The following CALN1 variants were observed in gnomAD, a reference collection of about 807,000 sequenced individuals.
The protein encoded by CALN1 is calneuron 1.
A neutral mutation model predicts 30.6 loss-of-function variants in CALN1; 17 were observed. That is an observed-to-expected ratio of 0.56 (90% CI 0.38 to 0.83). The LOEUF is 0.83. Ranked by LOEUF, CALN1 falls within the 40% of genes least tolerant of loss-of-function variation. CALN1 has a pLI of 0.00. For synonymous variants in CALN1, 156 were observed against 131.4 expected, an observed-to-expected ratio of 1.19 and a Z score of -1.28; for missense variants, 291 against 354.9, an observed-to-expected ratio of 0.82 and a Z score of 1.45.
chr7:71,945,713 C>T (rs1796370879), intron 5 of CALN1, among the ~76,000 whole-genome samples: 1 of 152,220 alleles, frequency 6.6e-6, no homozygotes, highest in African/African-American at 2.4e-5. Context: ...AGGAGATCGT[C>T]TAGCTGCAGG....
At chr7:72,284,364 A>G (rs1425945442) in intron 2 of CALN1, among the ~76,000 whole-genome samples, 4 of 152,200 alleles carry the variant, frequency 2.6e-5, no homozygotes, top group African/African-American at 2.4e-5. Context: ...CCCTTTTGTG[A>G]TGGTCAGTTT....
chr7:72,117,465 T>C (rs2129541968), intron 3 of CALN1, among the ~76,000 whole-genome samples: 1 of 152,292 alleles, frequency 6.6e-6, no homozygotes, highest in South Asian at 2.1e-4. Context: ...ATGGTCTGCA[T>C]TTTAATCTTA....
chr7:72,127,453 G>A (rs1431411468), intron 3 of CALN1, among the ~76,000 whole-genome samples: 2 of 152,154 alleles, frequency 1.3e-5, no homozygotes, highest in African/African-American at 4.8e-5. Context: ...AGGAGTCACG[G>A]GATCTGACTT....
At chr7:72,185,892 T>A (rs1031905516) in intron 3 of CALN1, among the ~76,000 whole-genome samples, 12 of 152,248 alleles carry the variant, frequency 7.9e-5, no homozygotes. Flanking sequence ...CATGTGGAAC[T>A]GTAATTTCAA....
intron 3 of CALN1, among the ~76,000 whole-genome samples, chr7:72,121,160 T>C (rs1156801761): frequency 1.4e-5 from 2 of 145,202 alleles, no homozygotes; most frequent in African/African-American, 5.0e-5. Context: ...ATATATAAAA[T>C]CTATATTATA....
chr7:71,866,624 A>C (rs1256598057), intron 5 of CALN1, among the ~76,000 whole-genome samples: 2 of 152,154 alleles, frequency 1.3e-5, no homozygotes, highest in African/African-American at 2.4e-5. Flanking sequence ...AGTACTCCAC[A>C]TGCTTGAGAA....
chr7:72,156,437 G>A (rs1185392141), intron 3 of CALN1, among the ~76,000 whole-genome samples: 4 of 152,164 alleles, frequency 2.6e-5, no homozygotes, highest in Admixed American at 1.3e-4. Context: ...GTGGGCACCT[G>A]ATGGAGAGTA....
At chr7:71,792,816 C>G (rs1466004091) in intron 6 of CALN1, among the ~76,000 whole-genome samples, 6 of 152,028 alleles carry the variant, frequency 3.9e-5, no homozygotes, top group Non-Finnish European at 8.8e-5. Flanking sequence ...CATTGCATGA[C>G]TGGGCTGAGG....
intron 2 of CALN1, among the ~76,000 whole-genome samples, chr7:72,373,875 T>A (rs1444004781): frequency 6.6e-6 from 1 of 152,078 alleles, no homozygotes; most frequent in Non-Finnish European, 1.5e-5. Context: ...AACAGAAAAA[T>A]GATGCATTGC....
intron 5 of CALN1, among the ~76,000 whole-genome samples, chr7:71,923,632 G>C (rs1795097762): frequency 6.6e-6 from 1 of 151,960 alleles, no homozygotes; most frequent in Non-Finnish European, 1.5e-5. Context: ...GTTTTTCCTG[G>C]GTGCCAGGAA....
chr7:72,079,211 T>C (rs1360908002), intron 4 of CALN1, among the ~76,000 whole-genome samples: 3 of 152,186 alleles, frequency 2.0e-5, no homozygotes, highest in African/African-American at 7.2e-5. Flanking sequence ...CAGATCATAC[T>C]GGGAGACCTC....
At chr7:71,857,028 G>GTGTA (rs1562845084) in intron 5 of CALN1, among the ~76,000 whole-genome samples, 1 of 149,850 alleles carries the variant, frequency 6.7e-6, no homozygotes, top group African/African-American at 2.5e-5. Flanking sequence ...GTGTGTGTGT[G>GTGTA]TGTGTGTGTG....
At chr7:72,272,390 C>T (rs1429878630) in intron 3 of CALN1, among the ~76,000 whole-genome samples, 4 of 151,974 alleles carry the variant, frequency 2.6e-5, no homozygotes, top group Non-Finnish European at 5.9e-5. Context: ...GGCAAAAACC[C>T]ATCTCTACCA....
the CALN1 span, among the ~76,000 whole-genome samples, chr7:72,489,357 A>C: frequency 6.6e-6 from 1 of 152,216 alleles, no homozygotes; most frequent in Non-Finnish European, 1.5e-5. Context: ...TATTCTTAGC[A>C]GAAGTAAGAA....
At chr7:72,323,401 G>A (rs911733411) in intron 2 of CALN1, among the ~76,000 whole-genome samples, 6 of 152,172 alleles carry the variant, frequency 3.9e-5, no homozygotes, top group African/African-American at 1.4e-4. Flanking sequence ...TAGCAGTGGT[G>A]GCTGCAGCTT....
chr7:71,844,832 G>A (rs776121896), intron 5 of CALN1, among the ~76,000 whole-genome samples: 10 of 151,400 alleles, frequency 6.6e-5, no homozygotes, highest in South Asian at 2.1e-4. Context: ...AACATCACAT[G>A]TTTTAAATTG....
At chr7:71,949,119 T>C (rs1048195425) in intron 5 of CALN1, among the ~76,000 whole-genome samples, 6 of 150,162 alleles carry the variant, frequency 4.0e-5, no homozygotes, top group Non-Finnish European at 7.4e-5. Context: ...CAGTGCGGTC[T>C]GGACTGAAAG....
chr7:72,026,804 G>T (rs1312013914), intron 4 of CALN1, among the ~76,000 whole-genome samples: 2 of 152,160 alleles, frequency 1.3e-5, no homozygotes, highest in African/African-American at 2.4e-5. Flanking sequence ...TACTCAACTG[G>T]TATTTGTAAA....
At chr7:72,085,574 C>A (rs545346884) in intron 4 of CALN1, among the ~76,000 whole-genome samples, 2 of 152,104 alleles carry the variant, frequency 1.3e-5, no homozygotes, top group African/African-American at 4.8e-5. Context: ...AGGGCATATG[C>A]CCCTTGGATA....
Sources: gnomAD v4.1 joint callset for allele counts (sites outside exome capture counted in the v4.1 genomes callset) on GRCh38, gnomAD v4.1.1 for gene constraint, MANE v1.5 for transcripts, NCBI Gene and HGNC (gene_info 2026-07-23, HGNC 2026-07-21) for gene names.